Variants in ERC2 observed in about 807,000 individuals in gnomAD.
ERC2 encodes ERC protein 2.
Under a neutral mutation model 114.8 loss-of-function variants are expected in ERC2, and 42 were observed. The observed-to-expected ratio is 0.37, with a 90% CI of 0.29 to 0.47. The LOEUF (loss-of-function observed/expected upper bound fraction) is 0.47. ERC2 is among the 20% of genes least tolerant of loss of function. The pLI is 0.99. For synonymous variants in ERC2, 454 were observed against 425.5 expected (o/e 1.07, Z -0.82); for missense variants, 939 against 1,150.7 (o/e 0.82, Z 2.66).
At chr3:56,363,444 C>T (rs1453488241) in intron 2 of ERC2, among the ~76,000 whole-genome samples, 2 of 152,082 alleles carry the variant, frequency 1.3e-5, no homozygotes, top group Admixed American at 1.3e-4. Flanking sequence ...CAAAGTAGCT[C>T]GAAATCCAAT....
At chr3:56,395,344 G>A (rs2060266866) in intron 2 of ERC2, among the ~76,000 whole-genome samples, 1 of 152,142 alleles carries the variant, frequency 6.6e-6, no homozygotes, top group Non-Finnish European at 1.5e-5. Context: ...AAACCAAAGT[G>A]CCAGGGTCTT....
At chr3:55,957,378 T>A (rs1042563326) in intron 12 of ERC2, among the ~76,000 whole-genome samples, 11 of 152,210 alleles carry the variant, frequency 7.2e-5, no homozygotes, top group African/African-American at 2.4e-4. Flanking sequence ...AGTCAAGTTA[T>A]CTCATTAGGG....
chr3:56,180,333 C>A (rs2083221511), intron 3 of ERC2, among the ~76,000 whole-genome samples: 2 of 152,174 alleles, frequency 1.3e-5, no homozygotes, highest in Non-Finnish European at 2.9e-5. Flanking sequence ...ACCAATCATT[C>A]ATCTTGTCAA....
chr3:55,845,503 CAAAA>C (rs764740068), intron 14 of ERC2, among the ~76,000 whole-genome samples: 2 of 64,048 alleles, frequency 3.1e-5, no homozygotes, highest in Non-Finnish European at 6.0e-5. Flanking sequence ...GACTCCGTCT[CAAAA>C]AAAAAAAAAA....
intron 14 of ERC2, among the ~76,000 whole-genome samples, chr3:55,833,431 C>G (rs978415085): frequency 2.6e-5 from 4 of 151,884 alleles, no homozygotes; most frequent in African/African-American, 7.3e-5. Context: ...CTCTACAAGC[C>G]AGAAGAGAGT....
intron 12 of ERC2, among the ~76,000 whole-genome samples, chr3:55,981,113 A>C (rs75432476): frequency 0.055 from 8,303 of 152,338 alleles, 501 homozygotes; most frequent in African/African-American, 0.15. Context: ...ATCCCTGGCT[A>C]CGCCTCAAGG....
chr3:56,274,467 A>T (rs967635246), intron 3 of ERC2, among the ~76,000 whole-genome samples: 1 of 151,804 alleles, frequency 6.6e-6, no homozygotes, highest in African/African-American at 2.4e-5. Flanking sequence ...CTCCATAAAC[A>T]TGGGTTCAAA....
intron 17 of ERC2, among the ~76,000 whole-genome samples, chr3:55,667,539 CTG>C (rs2061400975): frequency 2.6e-5 from 4 of 152,200 alleles, no homozygotes; most frequent in Non-Finnish European, 2.9e-5. Context: ...CATCCTGAGA[CTG>C]CATGCTGCAG....
At chr3:55,716,822 G>A (rs1290588436) in intron 15 of ERC2, among the ~76,000 whole-genome samples, 1 of 152,182 alleles carries the variant, frequency 6.6e-6, no homozygotes, top group Non-Finnish European at 1.5e-5. Context: ...AGCCCAGAGT[G>A]ATCCAAAATC....
chr3:55,673,579 C>T lies in ERC2; in HGVS notation c.*39+10215G>A, dbSNP rs539274927. On this transcript the variant is annotated intron_variant, in intron 17 of 17. Coordinates refer to ENST00000288221, the MANE Select transcript of ERC2 (RefSeq NM_015576.3). Reference sequence around the variant, plus strand: ...GCCCGGTGACAAAGCAAGACTCCGTCTCAAAAAAATAAAAAATAAAAAAAA... The same window carrying T: ...GCCCGGTGACAAAGCAAGACTCCGTTTCAAAAAAATAAAAAATAAAAAAAA... Among the ~76,000 whole-genome samples the T allele has an allele frequency of 1.6e-4, 25 of 151,742 alleles. No individual in the cohort carries two copies. The South Asian group carries it at 4.6e-3, about 28-fold the overall frequency.
intron 15 of ERC2, among the ~76,000 whole-genome samples, chr3:55,733,737 A>T (rs2065449367): frequency 1.3e-5 from 2 of 151,798 alleles, no homozygotes; most frequent in Non-Finnish European, 2.9e-5. Flanking sequence ...CTTCCCTTCC[A>T]CTCACCTTGC....
At chr3:55,876,426 C>T (rs901000013) in intron 14 of ERC2, among the ~76,000 whole-genome samples, 1 of 152,188 alleles carries the variant, frequency 6.6e-6, no homozygotes, top group Non-Finnish European at 1.5e-5. Flanking sequence ...TGTGTTCTCA[C>T]TTCACCAGTG....
intron 16 of ERC2, among the ~76,000 whole-genome samples, chr3:55,696,203 C>T (rs1460864661): frequency 2.0e-5 from 3 of 152,086 alleles, no homozygotes; most frequent in Non-Finnish European, 4.4e-5. Context: ...ATTGAATTAC[C>T]TAAGGTAAAA....
At chr3:56,256,531 A>C (rs2052527035) in intron 3 of ERC2, among the ~76,000 whole-genome samples, 2 of 151,958 alleles carry the variant, frequency 1.3e-5, no homozygotes, top group South Asian at 4.1e-4. Context: ...TGTTGTAACC[A>C]GTGACTTAAT....
intron 13 of ERC2, among the ~76,000 whole-genome samples, chr3:55,912,202 C>T (rs955244264): frequency 8.5e-5 from 13 of 152,110 alleles, no homozygotes; most frequent in Middle Eastern, 3.4e-3. Context: ...TACCTACCCA[C>T]AGGTGAGGAG....
chr3:55,992,028 C>T (rs776459366), intron 11 of ERC2, 29 bp downstream of exon 11: 2 of 1,603,024 alleles, frequency 1.2e-6, no homozygotes, highest in Middle Eastern at 1.7e-4. Flanking sequence ...TCTCTCACTG[C>T]CAACAATTTA....
At chr3:55,868,099 T>A (rs2149276270) in intron 14 of ERC2, among the ~76,000 whole-genome samples, 1 of 152,316 alleles carries the variant, frequency 6.6e-6, no homozygotes, top group African/African-American at 2.4e-5. Context: ...TGACGATGTG[T>A]ACGTTTCTAC....
chr3:56,258,570 C>T (rs375694080), intron 3 of ERC2, among the ~76,000 whole-genome samples: 5 of 152,202 alleles, frequency 3.3e-5, no homozygotes, highest in African/African-American at 1.2e-4. Context: ...AGGAGAATGG[C>T]GTGAACCCGG....
At chr3:55,564,119 G>T (rs1163414853) in intron 17 of ERC2, among the ~76,000 whole-genome samples, 11 of 152,182 alleles carry the variant, frequency 7.2e-5, no homozygotes, top group Admixed American at 4.6e-4. Flanking sequence ...TCCAAGATCA[G>T]GATGACACAG....
Sources: gnomAD v4.1 joint callset for allele counts (sites outside exome capture counted in the v4.1 genomes callset) on GRCh38, gnomAD v4.1.1 for gene constraint, MANE v1.5 for transcripts, NCBI Gene and HGNC (gene_info 2026-07-23, HGNC 2026-07-21) for gene names.